The following SEMA6D variants were observed in gnomAD, a reference collection of about 807,000 sequenced individuals.
The protein encoded by SEMA6D is semaphorin-6D.
A neutral mutation model predicts 106.6 loss-of-function variants in SEMA6D; 35 were observed. The ratio of observed to expected loss-of-function variants is 0.33; its 90% CI spans 0.25 to 0.44. The LOEUF (loss-of-function observed/expected upper bound fraction) is 0.44, where lower values mean the gene tolerates loss of function less well. SEMA6D is among the 20% of genes least tolerant of loss of function. The pLI, the probability that SEMA6D is intolerant of heterozygous loss-of-function variation, is 1.00. For synonymous variants in SEMA6D, 499 were observed against 487.7 expected, an observed-to-expected ratio of 1.02 and a Z score of -0.31; for missense variants, 1,185 against 1,345.9, an observed-to-expected ratio of 0.88 and a Z score of 1.87.
Position 47,759,828 on chromosome 15 carries a change from A to C in SEMA6D, c.30A>C (p.Ile10=), listed in dbSNP as rs546054147. The C allele has an allele frequency of 6.2e-7, 1 of 1,613,760 alleles. No individual in the cohort carries two copies. Among genetic ancestry groups the C allele is most frequent in the Admixed American group, 1.7e-5 (1 of 60,000 alleles). The change falls in exon 2 of 19, where the codon ATA becomes ATC. Residue 10 remains isoleucine, a synonymous_variant. Transcript: ENST00000536845. MRVFLLCAY[I]LLLMVSQLRA... The stretch of plus-strand genomic sequence containing the variant: ...GGGTCTTCCTGCTTTGTGCCTACAT[A>C]CTGCTGCTGATGGTTTCCCAGTTGA...
intron 1 of SEMA6D, among the ~76,000 whole-genome samples, chr15:47,296,970 C>T (rs1204752691): frequency 1.3e-5 from 2 of 152,160 alleles, no homozygotes; most frequent in Non-Finnish European, 2.9e-5. Context: ...AATTATAACA[C>T]AGCCCTTTCT....
chr15:47,224,717 A>G (rs1444396270), intron 1 of SEMA6D, among the ~76,000 whole-genome samples: 4 of 152,104 alleles, frequency 2.6e-5, no homozygotes, highest in African/African-American at 7.2e-5. Context: ...CACATCAATG[A>G]CAGTTATTCA....
Position 47,611,867 on chromosome 15 carries a change from T to G in SEMA6D, c.-55+10971T>G, listed in dbSNP as rs536669709. 3.3e-5 allele frequency among the ~76,000 whole-genome samples: 5 copies of G among 152,272 alleles called. No individual in the cohort carries two copies. The East Asian group carries it at 7.7e-4, about 24-fold the overall frequency. On this transcript the variant is annotated intron_variant, in intron 4 of 19. Coordinates refer to the SEMA6D transcript ENST00000558014. ...ATTAAGCTGAAACAAAGTGGCCACA[T>G]TGAAGTGGAGCCAGTGCCCGATGGA...
chr15:47,701,962 A>G (rs2078821748), intron 4 of SEMA6D, among the ~76,000 whole-genome samples: 1 of 152,250 alleles, frequency 6.6e-6, no homozygotes, highest in African/African-American at 2.4e-5. Flanking sequence ...TAGTAGACAG[A>G]AAAAGTGGCC....
intron 1 of SEMA6D, among the ~76,000 whole-genome samples, chr15:47,205,856 G>T (rs564290392): frequency 6.6e-6 from 1 of 152,118 alleles, no homozygotes; most frequent in Non-Finnish European, 1.5e-5. Flanking sequence ...TATAAATATA[G>T]CATGCATGCA....
intron 4 of SEMA6D, among the ~76,000 whole-genome samples, chr15:47,660,483 G>A (rs2077896129): frequency 6.6e-6 from 1 of 152,094 alleles, no homozygotes; most frequent in African/African-American, 2.4e-5. Flanking sequence ...AGCATATATG[G>A]GATGTGGACA....
intron 4 of SEMA6D, among the ~76,000 whole-genome samples, chr15:47,680,346 A>G (rs2078328354): frequency 1.3e-5 from 2 of 152,156 alleles, no homozygotes; most frequent in East Asian, 1.9e-4. Flanking sequence ...CTGGCTTGAT[A>G]CACTTTCCTC....
intron 1 of SEMA6D, among the ~76,000 whole-genome samples, chr15:47,723,408 G>A (rs2079539110): frequency 6.6e-6 from 1 of 152,138 alleles, no homozygotes; most frequent in Non-Finnish European, 1.5e-5. Flanking sequence ...CTGCGTCCGG[G>A]TGTGATTGAC....
intron 1 of SEMA6D, among the ~76,000 whole-genome samples, chr15:47,199,124 T>C (rs1894548980): frequency 6.6e-6 from 1 of 152,214 alleles, no homozygotes; most frequent in Non-Finnish European, 1.5e-5. Flanking sequence ...TTTGTTTGTT[T>C]ATCTGTTTTT....
chr15:47,458,637 G>A (rs1222828316), intron 2 of SEMA6D, among the ~76,000 whole-genome samples: 4 of 151,876 alleles, frequency 2.6e-5, no homozygotes, highest in Non-Finnish European at 4.4e-5. Context: ...AATCAAAAGG[G>A]AAATCAGAAT....
At chr15:47,397,075 A>G (rs1367468562) in intron 1 of SEMA6D, among the ~76,000 whole-genome samples, 1 of 152,182 alleles carries the variant, frequency 6.6e-6, no homozygotes, top group Admixed American at 6.5e-5. Context: ...TCTCTTCCCC[A>G]TCAAGTATTT....
intron 1 of SEMA6D, among the ~76,000 whole-genome samples, chr15:47,733,098 A>G (rs1393049387): frequency 6.6e-6 from 1 of 152,222 alleles, no homozygotes; most frequent in African/African-American, 2.4e-5. Flanking sequence ...AAAGCTCATT[A>G]ACCCTTAAAG....
intron 4 of SEMA6D, among the ~76,000 whole-genome samples, chr15:47,680,523 A>G (rs2078331738): frequency 6.6e-6 from 1 of 152,150 alleles, no homozygotes; most frequent in East Asian, 1.9e-4. Flanking sequence ...AAGACTTTTT[A>G]CCCTTACCCC....
intron 1 of SEMA6D, among the ~76,000 whole-genome samples, chr15:47,316,148 A>G (rs966823120): frequency 1.9e-5 from 2 of 105,784 alleles, no homozygotes; most frequent in African/African-American, 4.1e-5. Context: ...GCTGGAGTGC[A>G]GTAGTGTGAT....
chr15:47,663,557 G>GA (rs1342679165), intron 4 of SEMA6D, among the ~76,000 whole-genome samples: 2 of 151,914 alleles, frequency 1.3e-5, no homozygotes, highest in East Asian at 3.9e-4. Flanking sequence ...GCCCAGAAAT[G>GA]AAAAAAATAT....
chr15:47,731,649 TA>T (rs929979135), intron 1 of SEMA6D, among the ~76,000 whole-genome samples: 3 of 152,198 alleles, frequency 2.0e-5, no homozygotes, highest in African/African-American at 4.8e-5. Context: ...TTCCAATGCA[TA>T]AAAAAACTTG....
intron 4 of SEMA6D, among the ~76,000 whole-genome samples, chr15:47,601,063 A>G (rs2076644841): frequency 6.6e-6 from 1 of 152,002 alleles, no homozygotes. Flanking sequence ...TTGCTTGACT[A>G]AGTACTGGTC....
chr15:47,513,860 G>A (rs1412441909), intron 3 of SEMA6D, among the ~76,000 whole-genome samples: 3 of 152,174 alleles, frequency 2.0e-5, no homozygotes, highest in Non-Finnish European at 4.4e-5. Flanking sequence ...GCAGATTGTT[G>A]AATGCATTAA....
chr15:47,354,010 G>T (rs915021619), intron 1 of SEMA6D, among the ~76,000 whole-genome samples: 3 of 151,744 alleles, frequency 2.0e-5, no homozygotes, highest in African/African-American at 7.3e-5. Flanking sequence ...GTTCTTTTCT[G>T]TGGAATTCTT....
Sources: allele counts gnomAD v4.1 joint callset (sites outside exome capture counted in the v4.1 genomes callset), GRCh38; gene constraint gnomAD v4.1.1; transcripts MANE v1.5; gene names NCBI Gene and HGNC (gene_info 2026-07-23, HGNC 2026-07-21).